Variants in ZNF507 observed in about 807,000 individuals in gnomAD.
ZNF507 encodes the protein zinc finger protein 507.
ZNF507 carries 29 observed loss-of-function variants against 80.0 expected under a neutral mutation model. The ratio of observed to expected loss-of-function variants is 0.36; its 90% CI spans 0.27 to 0.49. The LOEUF is 0.49. Ranked by LOEUF, ZNF507 falls within the 20% of genes least tolerant of loss-of-function variation. The pLI is 0.98. For synonymous variants in ZNF507, 462 were observed against 422.5 expected, an observed-to-expected ratio of 1.09 and a Z score of -1.15; for missense variants, 1,081 against 1,152.2, an observed-to-expected ratio of 0.94 and a Z score of 0.90.
chr19:32,353,827 T>A lies in ZNF507; in HGVS notation c.997T>A (p.Ser333Thr). 1 of 1,614,190 alleles carries A rather than the reference T, an allele frequency of 6.2e-7. No individual in the cohort carries two copies. The highest frequency in any genetic ancestry group is 8.5e-7 in the Non-Finnish European group (1 of 1,180,036). The part of the protein sequence containing the change: ...QVQICSSEQL[S>T]SSSPLEQSAE... ...GCAGATTTGCAGCTCAGAACAGTTA[T>A]CATCTTCATCTCCTTTAGAACAGAG... Residue 333 changes from serine to threonine, a missense_variant, in exon 3 of 7, where the codon TCA becomes ACA. By Grantham distance (58) the Ser-to-Thr change is moderately conservative. This residue lies in a region of ZNF507 where 614 missense variants were observed against 583.9 expected (regional missense o/e 1.05). Coordinates refer to ENST00000355898, the MANE Select transcript of ZNF507 (RefSeq NM_001136156.2).
At chr19:32,376,581 T>C (rs563117057) in intron 5 of ZNF507, among the ~76,000 whole-genome samples, 1 of 152,158 alleles carries the variant, frequency 6.6e-6, no homozygotes, top group Non-Finnish European at 1.5e-5. Context: ...ACAAAATAAA[T>C]AGTGCAATAC....
rs1216065467 is a variant in ZNF507 at position 32,387,405 on chromosome 19, C to T, written c.*4322C>T. On this transcript the variant is annotated 3_prime_UTR_variant, in exon 7 of 7. Coordinates refer to ENST00000355898, the MANE Select transcript of ZNF507 (RefSeq NM_001136156.2). ...GTGACCAAGGCCAAATATTTCGTCC[C>T]ATGCTTCCCAGGGACAACATAATCA... The T allele has an allele frequency of 6.6e-6, 1 of 152,188 alleles. No homozygotes were observed. The highest frequency in any genetic ancestry group is 1.5e-5 in the Non-Finnish European group (1 of 68,024). 9.4% of individuals were successfully genotyped at this position (152,188 alleles called of 1,614,324 possible).
Position 32,353,134 on chromosome 19 carries a change from A to G in ZNF507, c.304A>G (p.Arg102Gly). 1 of 1,614,240 alleles carries G rather than the reference A, an allele frequency of 6.2e-7. No individual in the cohort carries two copies. The highest frequency in any genetic ancestry group is 8.5e-7 in the Non-Finnish European group (1 of 1,180,044). The change falls in exon 3 of 7, where the codon AGG (arginine) becomes GGG (glycine). Residue 102 changes from arginine to glycine, a missense_variant. Transcript: ENST00000355898. ...CCAGTCACCTGCTGCTGATACTAGA[A>G]GGGCTGAGATGTCACAAACAAATTT... ...VIQSPAADTR[R>G]AEMSQTNFTP... is the part of the protein sequence containing the mutation.
At chr19:32,377,129 T>C (rs1308117122) in intron 5 of ZNF507, among the ~76,000 whole-genome samples, 2 of 152,186 alleles carry the variant, frequency 1.3e-5, no homozygotes, top group Middle Eastern at 3.4e-3. Flanking sequence ...TGTCAGGCCC[T>C]CCACAAGAGG....
At position 32,382,964 on chromosome 19, in the gene ZNF507, A is replaced by G. The variant is rs1157979990; in HGVS notation, c.2743A>G (p.Ile915Val). The G allele has an allele frequency of 1.2e-6, 2 of 1,614,116 alleles. No individual in the cohort carries two copies. Among genetic ancestry groups the G allele is most frequent in the Admixed American group, 1.7e-5 (1 of 60,018 alleles). The change falls in exon 7 of 7, where the codon ATT becomes GTT. Residue 915 changes from isoleucine to valine, a missense_variant. By Grantham distance (29) the Ile-to-Val change is conservative. This residue lies in a region of ZNF507 where 138 missense variants were observed against 158.4 expected (regional missense o/e 0.87). Coordinates refer to ENST00000355898, the MANE Select transcript of ZNF507 (RefSeq NM_001136156.2). ...CTGCGTTTTACTCTTCTGCTGTTGT[A>G]TTTGTGGTTTTGAATCAACCAGCAA... The part of the protein sequence containing the change: ...EYCVLLFCCC[I>V]CGFESTSKEN...
At chr19:32,361,429 A>T (rs1227145425) in intron 5 of ZNF507, among the ~76,000 whole-genome samples, 1 of 152,212 alleles carries the variant, frequency 6.6e-6, no homozygotes, top group East Asian at 1.9e-4. Flanking sequence ...AATCTCAATG[A>T]AAACCTGACA....
At chr19:32,357,357 T>A (rs1568304597) in intron 4 of ZNF507, 2 of 152,346 alleles carry the variant, frequency 1.3e-5, no homozygotes, top group Non-Finnish European at 2.9e-5. Flanking sequence ...TAAAGTGTAC[T>A]AAGCTGTGCC....
intron 2 of ZNF507, among the ~76,000 whole-genome samples, chr19:32,351,507 A>ATATG (rs1320399761): frequency 1.2e-4 from 1 of 8,538 alleles, no homozygotes; most frequent in African/African-American, 4.9e-4. Context: ...GTGTTTGTGT[A>ATATG]TATGTGTGTG....
chr19:32,368,963 T>A (rs1967434637), intron 5 of ZNF507, among the ~76,000 whole-genome samples: 1 of 152,242 alleles, frequency 6.6e-6, no homozygotes, highest in African/African-American at 2.4e-5. Flanking sequence ...GAAACTAACC[T>A]TGGTCCCAGG....
chr19:32,367,481 A>G (rs562584329), intron 5 of ZNF507, among the ~76,000 whole-genome samples: 151 of 152,294 alleles, frequency 9.9e-4, no homozygotes, highest in Non-Finnish European at 1.8e-3. Context: ...TTGCCTTTCT[A>G]CTTTCTTAAT....
At chr19:32,364,898 C>A (rs1341919732) in intron 5 of ZNF507, among the ~76,000 whole-genome samples, 6 of 152,160 alleles carry the variant, frequency 3.9e-5, no homozygotes, top group Admixed American at 2.0e-4. Flanking sequence ...CTACACTGTT[C>A]CATAGTGGCT....
In ZNF507 at chr19:32,353,018, G is replaced by A. The variant is rs756357175; in HGVS notation, c.188G>A (p.Cys63Tyr). Residue 63 changes from cysteine to tyrosine, a missense_variant, in exon 3 of 7, where the codon TGT becomes TAT. Physicochemically the swap from Cys to Tyr is radical, Grantham distance 194. Coordinates refer to ENST00000355898, the MANE Select transcript of ZNF507 (RefSeq NM_001136156.2). Reference protein sequence around the residue: ...KIVENEKSQKCLLIGKKRPRS... With the variant: ...KIVENEKSQKYLLIGKKRPRS... ...GTGGAAAATGAAAAGTCACAAAAATGTCTTTTAATTGGGAAGAAACGCCCA... is the reference window on the plus strand; with the variant it reads ...GTGGAAAATGAAAAGTCACAAAAATATCTTTTAATTGGGAAGAAACGCCCA... 5 of 1,613,928 alleles carry A rather than the reference G, an allele frequency of 3.1e-6. No homozygotes were observed. In the South Asian group the frequency reaches 3.3e-5, roughly 11 times the overall value.
Position 32,384,893 on chromosome 19 carries a change from T to TG in ZNF507, c.*1812dup, listed in dbSNP as rs2145349710. 1 of 152,338 alleles carries TG rather than the reference T, an allele frequency of 6.6e-6. No individual in the cohort carries two copies. Among genetic ancestry groups the TG allele is most frequent in the African/African-American group, 2.4e-5 (1 of 41,588 alleles). 9.4% of individuals were successfully genotyped at this position (152,338 alleles called of 1,614,324 possible). On this transcript the variant is annotated 3_prime_UTR_variant, in exon 7 of 7. Transcript: ENST00000355898. ...CTATATTCCTCAAATCCACTGTATGTGGACTTATATTCATTTTCTCCTTTT... is the reference window on the plus strand; with the variant it reads ...CTATATTCCTCAAATCCACTGTATGTGGGACTTATATTCATTTTCTCCTTTT...
At position 32,354,162 on chromosome 19, in the gene ZNF507, T is replaced by C; in HGVS notation, c.1332T>C (p.Ala444=). The C allele has an allele frequency of 3.1e-6, 5 of 1,613,266 alleles. No individual in the cohort carries two copies. Among genetic ancestry groups the C allele is most frequent in the Non-Finnish European group, 4.2e-6 (5 of 1,180,034 alleles). ...GREGMDDVYR[A]DKCTVDIGGL... ...AAGGAATGGATGATGTTTATCGTGC[T>C]GATAAATGTACTGTTGATATTGGGG... Residue 444 remains alanine (A), a synonymous_variant, in exon 3 of 7, where the codon GCT becomes GCC. Coordinates refer to ENST00000355898, the MANE Select transcript of ZNF507 (RefSeq NM_001136156.2).
rs765392479 is a variant in ZNF507, at chr19:32,354,760, C to T, written c.1930C>T (p.Arg644Cys). 4.6e-5 allele frequency: 74 copies of T among 1,614,000 alleles called. No homozygotes were observed. The highest frequency in any genetic ancestry group is 5.8e-5 in the Non-Finnish European group (68 of 1,180,030). ...GAATGCTGAACGACCCTACCGTTGC[C>T]GCCTGTGTCACTACACAAGTGGCAA... ...IPNAERPYRC[R>C]LCHYTSGNKG... The change falls in exon 3 of 7, where the codon CGC (arginine) becomes TGC (cysteine). Residue 644 changes from arginine to cysteine, a missense_variant. Arg to Cys is a radical substitution (Grantham distance 180, BLOSUM62 -3). Coordinates refer to ENST00000355898, the MANE Select transcript of ZNF507 (RefSeq NM_001136156.2).
At chr19:32,362,713 G>A (rs1382621512) in intron 5 of ZNF507, among the ~76,000 whole-genome samples, 1 of 152,180 alleles carries the variant, frequency 6.6e-6, no homozygotes, top group Admixed American at 6.5e-5. Flanking sequence ...ATTCATTGCA[G>A]TTGTCCTAGG....
In ZNF507 at chr19:32,353,794, G is replaced by A; in HGVS notation, c.964G>A (p.Val322Met). 1.2e-6 allele frequency: 2 copies of A among 1,614,214 alleles called. No individual in the cohort carries two copies. ...ACTGAGTATCCACAATGGGCCATCA[G>A]TGCAAGTGCAGATTTGCAGCTCAGA... ...SELSIHNGPSVQVQICSSEQL... is the reference protein window; with the variant it reads ...SELSIHNGPSMQVQICSSEQL... The change falls in exon 3 of 7, where the codon GTG (valine) becomes ATG (methionine). Residue 322 changes from valine to methionine, a missense_variant. By Grantham distance (21) the Val-to-Met change is conservative. Around this residue, in one of 6 missense-constraint regions of ZNF507, gnomAD observed 614 missense variants for 583.9 expected, o/e 1.05. Coordinates refer to ENST00000355898, the MANE Select transcript of ZNF507 (RefSeq NM_001136156.2).
chr19:32,362,729 C>T (rs1967345819), intron 5 of ZNF507, among the ~76,000 whole-genome samples: 1 of 152,188 alleles, frequency 6.6e-6, no homozygotes, highest in Admixed American at 6.5e-5. Flanking sequence ...CTAGGGTCTT[C>T]CTACCAACGG....
intron 5 of ZNF507, among the ~76,000 whole-genome samples, chr19:32,378,496 T>A (rs1455381437): frequency 1.3e-5 from 2 of 152,106 alleles, no homozygotes; most frequent in African/African-American, 4.8e-5. Flanking sequence ...GAATAAAGTG[T>A]GGACTTCAGT....
Sources: allele counts gnomAD v4.1 joint callset (sites outside exome capture counted in the v4.1 genomes callset), GRCh38; gene constraint gnomAD v4.1.1; regional missense constraint gnomAD v4.1.1; transcripts MANE v1.5; gene names NCBI Gene and HGNC (gene_info 2026-07-23, HGNC 2026-07-21).